Variants in SNAP91 observed in about 807,000 individuals in gnomAD.
SNAP91 encodes clathrin coat assembly protein AP180.
In SNAP91, 27 loss-of-function variants were observed where a neutral mutation model predicts 100.3. That is an observed-to-expected ratio of 0.27 (90% CI 0.20 to 0.37). The LOEUF (loss-of-function observed/expected upper bound fraction) is 0.37, where lower values mean the gene tolerates loss of function less well. SNAP91 is among the 10% of genes least tolerant of loss of function. The pLI is 1.00. For synonymous variants in SNAP91, 404 were observed against 398.6 expected, an observed-to-expected ratio of 1.01 and a Z score of -0.16; for missense variants, 986 against 1,123.7, an observed-to-expected ratio of 0.88 and a Z score of 1.75.
intron 8 of SNAP91, among the ~76,000 whole-genome samples, chr6:83,633,466 T>C (rs1167818708): frequency 6.6e-6 from 1 of 152,104 alleles, no homozygotes; most frequent in Non-Finnish European, 1.5e-5. Flanking sequence ...TTGTCTTCAG[T>C]TACCAGGGTA....
At chr6:83,660,841 T>C (rs2098529283) in intron 5 of SNAP91, among the ~76,000 whole-genome samples, 2 of 151,570 alleles carry the variant, frequency 1.3e-5, no homozygotes, top group South Asian at 2.1e-4. Context: ...TGCAGGGGCA[T>C]GAACATAGCT....
intron 2 of SNAP91, among the ~76,000 whole-genome samples, chr6:83,680,307 T>C (rs897458078): frequency 6.6e-6 from 1 of 152,186 alleles, no homozygotes; most frequent in African/African-American, 2.4e-5. Flanking sequence ...ATTTTTACTT[T>C]CTGTATGGCA....
rs1392311714 is a variant in SNAP91, at chr6:83,617,042, A to C, written c.808-3T>G. ...GTCTCCATAAGACTGCTGGGAGCCT[A>C]CAATAAGAAAGTAAAAATAAATGTC... On this transcript the variant is annotated splice_polypyrimidine_tract_variant and splice_region_variant and intron_variant, in intron 9 of 29. Coordinates refer to ENST00000369694, the MANE Select transcript of SNAP91 (RefSeq NM_001242792.2). The C allele has an allele frequency of 6.5e-7, 1 of 1,531,962 alleles. No individual in the cohort carries two copies. Among genetic ancestry groups the C allele is most frequent in the Non-Finnish European group, 8.8e-7 (1 of 1,136,306 alleles). The allele number at this position is 1,531,962 out of a possible 1,614,324, so 94.9% of individuals were successfully genotyped here.
Position 83,643,966 on chromosome 6 carries a change from C to A in SNAP91, c.659-2764G>T, listed in dbSNP as rs187112544. Reference sequence around the variant, plus strand: ...TGGATAAACTCACGGTGCTATAAGACGAAAGTCTTTTCTTGTTAAGAAATT... The same window carrying A: ...TGGATAAACTCACGGTGCTATAAGAAGAAAGTCTTTTCTTGTTAAGAAATT... On this transcript the variant is annotated intron_variant, in intron 7 of 29. Coordinates refer to ENST00000369694, the MANE Select transcript of SNAP91 (RefSeq NM_001242792.2). Among the ~76,000 whole-genome samples, 3 of 152,148 alleles carry A rather than the reference C, an allele frequency of 2.0e-5. 1 individual carries two copies. Among genetic ancestry groups the A allele is most frequent in the Admixed American group, 2.0e-4 (3 of 15,264 alleles).
chr6:83,661,822 G>A (rs1013202863), intron 4 of SNAP91, among the ~76,000 whole-genome samples: 1 of 152,110 alleles, frequency 6.6e-6, no homozygotes, highest in Admixed American at 6.5e-5. Flanking sequence ...CACCATTCCA[G>A]TACAGAATAT....
At chr6:83,670,389 C>A (rs1024816763) in intron 2 of SNAP91, among the ~76,000 whole-genome samples, 31 of 151,170 alleles carry the variant, frequency 2.1e-4, no homozygotes, top group African/African-American at 6.3e-4. Flanking sequence ...ACATTCTTTT[C>A]CTATTTTTAT....
intron 2 of SNAP91, among the ~76,000 whole-genome samples, chr6:83,679,359 G>GT (rs1186360090): frequency 4.6e-5 from 7 of 152,108 alleles, no homozygotes; most frequent in African/African-American, 7.2e-5. Context: ...AGGGAAACTA[G>GT]TTTTTTAAAA....
intron 7 of SNAP91, among the ~76,000 whole-genome samples, chr6:83,645,092 T>C (rs1028214948): frequency 6.6e-6 from 1 of 152,108 alleles, no homozygotes. Context: ...AATTAGAAAC[T>C]CTGGGTAACA....
chr6:83,620,439 C>T (rs979153529), intron 9 of SNAP91, among the ~76,000 whole-genome samples: 2 of 152,142 alleles, frequency 1.3e-5, no homozygotes, highest in Non-Finnish European at 2.9e-5. Flanking sequence ...GCAGATTAAT[C>T]CTGGTTTTAA....
chr6:83,606,701 C>A lies in SNAP91; in HGVS notation c.1023-898G>T, dbSNP rs187020477. 2.0e-5 allele frequency among the ~76,000 whole-genome samples: 3 copies of A among 152,266 alleles called. No individual in the cohort carries two copies. The East Asian group carries it at 5.8e-4, about 29-fold the overall frequency. Reference sequence around the variant, plus strand: ...GCAGTTTCATCTTTATCTTTTTTTACATATTAGATTTCCAAGTAATATTCT... The same window carrying A: ...GCAGTTTCATCTTTATCTTTTTTTAAATATTAGATTTCCAAGTAATATTCT... On this transcript the variant is annotated intron_variant, in intron 13 of 29. Coordinates refer to ENST00000369694, the MANE Select transcript of SNAP91 (RefSeq NM_001242792.2).
At chr6:83,613,653 C>T (rs745788221) in intron 11 of SNAP91, among the ~76,000 whole-genome samples, 1 of 152,348 alleles carries the variant, frequency 6.6e-6, no homozygotes, top group East Asian at 1.9e-4. Flanking sequence ...AGTCTATATG[C>T]CCCTCAGAGC....
At chr6:83,566,426 T>C (rs1019555387) in intron 26 of SNAP91, among the ~76,000 whole-genome samples, 2 of 152,168 alleles carry the variant, frequency 1.3e-5, no homozygotes, top group African/African-American at 2.4e-5. Context: ...ATATTAATGC[T>C]TTACCCATCA....
chr6:83,590,356 G>T (rs1569925), intron 22 of SNAP91, among the ~76,000 whole-genome samples: 6,375 of 152,150 alleles, frequency 0.042, 408 homozygotes, highest in East Asian at 0.19. Context: ...CACACACTTT[G>T]TCTTGCTCCC....
chr6:83,698,173 G>A (rs2099245603), intron 2 of SNAP91, among the ~76,000 whole-genome samples: 1 of 151,910 alleles, frequency 6.6e-6, no homozygotes, highest in Admixed American at 6.6e-5. Flanking sequence ...GTGTGTGTAG[G>A]CAAAAACAAA....
chr6:83,637,539 A>C (rs1264418951), intron 8 of SNAP91, among the ~76,000 whole-genome samples: 2 of 152,196 alleles, frequency 1.3e-5, no homozygotes, highest in Non-Finnish European at 2.9e-5. Flanking sequence ...CTGACCCAAC[A>C]GGTCTTCCTC....
intron 21 of SNAP91, 127 bp downstream of exon 21, chr6:83,592,325 TAAG>T: frequency 1.8e-6 from 1 of 566,190 alleles, no homozygotes; most frequent in Non-Finnish European, 3.0e-6. Flanking sequence ...CTTAAAAACT[TAAG>T]TTTACATTTA....
intron 20 of SNAP91, 78 bp from the exon 21 acceptor site, chr6:83,592,616 T>C: frequency 8.4e-7 from 1 of 1,187,690 alleles, no homozygotes; most frequent in Middle Eastern, 1.9e-4. Context: ...AAATGGCATC[T>C]TGGGATTTCA....
At chr6:83,706,903 G>A (rs1023234032) in intron 2 of SNAP91, among the ~76,000 whole-genome samples, 2 of 152,170 alleles carry the variant, frequency 1.3e-5, no homozygotes, top group Admixed American at 1.3e-4. Context: ...ACCCAAAGCA[G>A]GTGAAAGCCT....
intron 25 of SNAP91, chr6:83,575,348 A>G (rs1816621396): frequency 1.9e-6 from 1 of 519,110 alleles, no homozygotes; most frequent in South Asian, 2.4e-5. Flanking sequence ...GGACCTCAAT[A>G]AGTATAGGAA....
Sources: gnomAD v4.1 joint callset for allele counts (sites outside exome capture counted in the v4.1 genomes callset) on GRCh38, gnomAD v4.1.1 for gene constraint, MANE v1.5 for transcripts, NCBI Gene and HGNC (gene_info 2026-07-23, HGNC 2026-07-21) for gene names.